The following CTNNA2 variants were observed in gnomAD, a reference collection of about 807,000 sequenced individuals.
CTNNA2 encodes catenin alpha 2, also known as catenin alpha-2.
A neutral mutation model predicts 101.0 loss-of-function variants in CTNNA2; 42 were observed. The ratio of observed to expected loss-of-function variants is 0.42; its 90% CI spans 0.32 to 0.54. CTNNA2 has a LOEUF of 0.54. CTNNA2 is among the 20% of genes least tolerant of loss of function. CTNNA2 has a pLI of 0.14. For synonymous variants in CTNNA2, 450 were observed against 456.4 expected, an observed-to-expected ratio of 0.99 and a Z score of 0.18; for missense variants, 871 against 1,223.1, an observed-to-expected ratio of 0.71 and a Z score of 4.29.
chr2:80,233,586 A>T (rs1183408977), intron 7 of CTNNA2, among the ~76,000 whole-genome samples: 1 of 152,208 alleles, frequency 6.6e-6, no homozygotes, highest in Non-Finnish European at 1.5e-5. Context: ...ATTATCTGTG[A>T]TGTGACAGAC....
intron 7 of CTNNA2, among the ~76,000 whole-genome samples, chr2:79,982,192 CTATATATATATATATATATATATATATA>C (rs70940064): frequency 0.5 from 37,331 of 75,204 alleles, 8,635 homozygotes; most frequent in Middle Eastern, 0.6. Context: ...GCATGTGCCA[CTATATATATATATATATATATATATATA>C]TATATATATA....
chr2:80,460,448 C>T (rs781122482), intron 9 of CTNNA2, among the ~76,000 whole-genome samples: 1 of 152,074 alleles, frequency 6.6e-6, no homozygotes, highest in African/African-American at 2.4e-5. Flanking sequence ...GTAAGATATT[C>T]AAAAAGAATG....
intron 9 of CTNNA2, among the ~76,000 whole-genome samples, chr2:80,424,215 A>C (rs1411705006): frequency 6.6e-6 from 1 of 152,136 alleles, no homozygotes; most frequent in Admixed American, 6.5e-5. Context: ...TGGCCTCCCA[A>C]AGTGCTGGGA....
At chr2:79,666,130 A>T (rs771457703) in intron 2 of CTNNA2, among the ~76,000 whole-genome samples, 4 of 152,346 alleles carry the variant, frequency 2.6e-5, no homozygotes, top group African/African-American at 9.6e-5. Flanking sequence ...TAAAAATTTC[A>T]GGATATTTTA....
intron 7 of CTNNA2, among the ~76,000 whole-genome samples, chr2:80,344,572 T>G (rs7340514): frequency 1.3e-5 from 2 of 151,918 alleles, no homozygotes; most frequent in African/African-American, 4.8e-5. Flanking sequence ...GAAGCCTCGA[T>G]CTCCCAGGCA....
intron 4 of CTNNA2, among the ~76,000 whole-genome samples, chr2:79,409,254 G>T (rs1278525156): frequency 1.3e-5 from 2 of 152,124 alleles, no homozygotes; most frequent in Non-Finnish European, 2.9e-5. Flanking sequence ...TAGGTTGCCT[G>T]TTCAGTCTGA....
At chr2:80,554,051 AT>A (rs1229354250) in intron 11 of CTNNA2, among the ~76,000 whole-genome samples, 34 of 152,314 alleles carry the variant, frequency 2.2e-4, no homozygotes, top group Admixed American at 7.2e-4. Flanking sequence ...GAAATCAGCA[AT>A]TTATAATGGT....
chr2:79,255,919 G>A (rs980504671), intron 2 of CTNNA2, among the ~76,000 whole-genome samples: 1 of 152,108 alleles, frequency 6.6e-6, no homozygotes, highest in African/African-American at 2.4e-5. Flanking sequence ...CCAGACAAGT[G>A]TGTTGTATCA....
intron 3 of CTNNA2, among the ~76,000 whole-genome samples, chr2:79,783,089 T>G (rs1674577243): frequency 6.6e-6 from 1 of 152,126 alleles, no homozygotes; most frequent in Admixed American, 6.6e-5. Context: ...GTCTCTTGAA[T>G]ATTTAGAATT....
At chr2:79,681,887 G>A (rs1243291632) in intron 2 of CTNNA2, among the ~76,000 whole-genome samples, 1 of 152,104 alleles carries the variant, frequency 6.6e-6, no homozygotes, top group South Asian at 2.1e-4. Context: ...ATTAAACAAA[G>A]TATCTTTGAG....
intron 2 of CTNNA2, among the ~76,000 whole-genome samples, chr2:79,258,870 AAG>A (rs1674883874): frequency 1.4e-5 from 2 of 145,602 alleles, no homozygotes; most frequent in African/African-American, 5.0e-5. Flanking sequence ...AAAAAAAAAA[AAG>A]GCAAACGAAT....
chr2:79,267,331 A>G (rs1470927549), intron 2 of CTNNA2, among the ~76,000 whole-genome samples: 1 of 152,130 alleles, frequency 6.6e-6, no homozygotes, highest in Non-Finnish European at 1.5e-5. Flanking sequence ...TGGCAGAGTC[A>G]CTGTCTGATG....
chr2:79,422,714 T>C (rs1678552171), intron 4 of CTNNA2, among the ~76,000 whole-genome samples: 1 of 152,164 alleles, frequency 6.6e-6, no homozygotes, highest in Non-Finnish European at 1.5e-5. Flanking sequence ...AGGCTGCAAA[T>C]AGATGTTGAG....
chr2:79,708,337 G>A (rs1685520858), intron 2 of CTNNA2, among the ~76,000 whole-genome samples: 1 of 152,074 alleles, frequency 6.6e-6, no homozygotes, highest in Non-Finnish European at 1.5e-5. Flanking sequence ...GTATGTGATT[G>A]TTTTCCTTTT....
chr2:79,466,071 C>A (rs1670931177), intron 4 of CTNNA2, among the ~76,000 whole-genome samples: 1 of 152,192 alleles, frequency 6.6e-6, no homozygotes, highest in African/African-American at 2.4e-5. Context: ...TGAGCATTAG[C>A]CGAAGCAGGG....
At chr2:79,580,045 A>G (rs1676053720) in intron 1 of CTNNA2, among the ~76,000 whole-genome samples, 1 of 152,210 alleles carries the variant, frequency 6.6e-6, no homozygotes, top group East Asian at 1.9e-4. Flanking sequence ...GTTTCAGGAA[A>G]TGCAAGTAGG....
At chr2:79,409,323 T>G (rs1678380197) in intron 4 of CTNNA2, among the ~76,000 whole-genome samples, 1 of 152,070 alleles carries the variant, frequency 6.6e-6, no homozygotes, top group African/African-American at 2.4e-5. Flanking sequence ...ATTTGTCAAT[T>G]TTGTCTTTTG....
intron 1 of CTNNA2, among the ~76,000 whole-genome samples, chr2:79,621,853 C>G (rs1209895547): frequency 6.6e-6 from 1 of 152,156 alleles, no homozygotes; most frequent in African/African-American, 2.4e-5. Flanking sequence ...CATCCATGGT[C>G]TTCTTCTCAG....
chr2:79,950,084 A>G (rs1437789893), intron 7 of CTNNA2, among the ~76,000 whole-genome samples: 1 of 152,154 alleles, frequency 6.6e-6, no homozygotes, highest in Non-Finnish European at 1.5e-5. Flanking sequence ...GCTAAAATAT[A>G]AGTTGGCATT....
Sources: allele counts gnomAD v4.1 joint callset (sites outside exome capture counted in the v4.1 genomes callset), GRCh38; gene constraint gnomAD v4.1.1; transcripts MANE v1.5; gene names NCBI Gene and HGNC (gene_info 2026-07-23, HGNC 2026-07-21).